Variants in XDH observed in about 807,000 individuals in gnomAD.
The protein encoded by XDH is xanthine dehydrogenase/oxidase.
A neutral mutation model predicts 156.1 loss-of-function variants in XDH; 138 were observed. The observed-to-expected ratio is 0.88, with a 90% CI of 0.77 to 1.02. The LOEUF (loss-of-function observed/expected upper bound fraction) is 1.02. Among genes scored for constraint, XDH ranks in the 50% least tolerant of loss-of-function variants. The pLI is 0.00. For synonymous variants in XDH, 669 were observed against 625.7 expected, an observed-to-expected ratio of 1.07 and a Z score of -1.03; for missense variants, 1,849 against 1,684.9, an observed-to-expected ratio of 1.10 and a Z score of -1.71.
chr2:31,369,007 A>G (rs1281056306), intron 18 of XDH, among the ~76,000 whole-genome samples: 2 of 152,156 alleles, frequency 1.3e-5, no homozygotes, highest in African/African-American at 2.4e-5. Flanking sequence ...CTCCAACACC[A>G]TTGGTCTTCC....
chr2:31,382,430 C>T (rs921716178), intron 11 of XDH, among the ~76,000 whole-genome samples: 2 of 152,152 alleles, frequency 1.3e-5, no homozygotes, highest in South Asian at 2.1e-4. Flanking sequence ...GCTTTTCTTC[C>T]GACACCATAA....
At chr2:31,346,003 T>G (rs970715941) in intron 30 of XDH, among the ~76,000 whole-genome samples, 4 of 152,164 alleles carry the variant, frequency 2.6e-5, no homozygotes, top group Non-Finnish European at 5.9e-5. Flanking sequence ...GATGAGTGGG[T>G]CTGAGAAAAA....
chr2:31,409,655 C>T (rs1017995884), intron 1 of XDH, among the ~76,000 whole-genome samples: 1 of 152,176 alleles, frequency 6.6e-6, no homozygotes, highest in Non-Finnish European at 1.5e-5. Context: ...AGATGCTGAA[C>T]ATCACTAATC....
intron 26 of XDH, 87 bp from the exon 27 acceptor site, chr2:31,349,067 T>C (rs1199346547): frequency 7.5e-7 from 1 of 1,325,492 alleles, no homozygotes; most frequent in East Asian, 2.5e-5. Context: ...AAACAGGACA[T>C]CCTTGGGGTT....
At chr2:31,396,115 G>T (rs1439899464) in intron 6 of XDH, among the ~76,000 whole-genome samples, 2 of 152,200 alleles carry the variant, frequency 1.3e-5, no homozygotes, top group Non-Finnish European at 2.9e-5. Flanking sequence ...CCTCCGATGA[G>T]TAACATGCAT....
Position 31,337,965 on chromosome 2 carries a change from AG to A in XDH, c.3775-149del, listed in dbSNP as rs1685012682. ...CACTGATGGGAGCCACACCAAATACAGCAGGAAGGCACAGTCAGAAATGATC... is the reference window on the plus strand; with the variant it reads ...CACTGATGGGAGCCACACCAAATACACAGGAAGGCACAGTCAGAAATGATC... On this transcript the variant is annotated intron_variant, in intron 34 of 35. Transcript: ENST00000379416. The A allele has an allele frequency of 1.2e-5, 9 of 762,782 alleles. No individual in the cohort carries two copies. In the South Asian group the frequency reaches 1.6e-4, roughly 14 times the overall value. The allele number at this position is 762,782 out of a possible 1,614,324, so 47.3% of individuals were successfully genotyped here. A position where few individuals can be genotyped will look rare whatever the true frequency, so the allele number is the denominator to read the frequency against.
intron 5 of XDH, among the ~76,000 whole-genome samples, chr2:31,397,959 C>A (rs1686954457): frequency 6.6e-6 from 1 of 152,204 alleles, no homozygotes; most frequent in African/African-American, 2.4e-5. Context: ...CAGACTGAGT[C>A]AGGTACCTCT....
chr2:31,368,409 T>C (rs558665881), intron 19 of XDH, 132 bp downstream of exon 19: 127 of 1,201,962 alleles, frequency 1.1e-4, no homozygotes, highest in Admixed American at 1.8e-4. Flanking sequence ...AATCCCAGGG[T>C]TGAAAGGGAT....
chr2:31,387,587 A>G (rs577147114), intron 8 of XDH, among the ~76,000 whole-genome samples: 1 of 152,170 alleles, frequency 6.6e-6, no homozygotes, highest in Non-Finnish European at 1.5e-5. Flanking sequence ...ACAGACATCA[A>G]ATTAATAACT....
In XDH at chr2:31,364,243, A is replaced by T; in HGVS notation, c.2546T>A (p.Val849Asp). 2 of 1,614,152 alleles carry T rather than the reference A, an allele frequency of 1.2e-6. No individual in the cohort carries two copies. The highest frequency in any genetic ancestry group is 1.7e-6 in the Non-Finnish European group (2 of 1,180,004). ...AACTGTCCCAGTCTTCATGAAGCCAACCTGATAAAAGGAGAAAGGAGAGGG... is the reference window on the plus strand; with the variant it reads ...AACTGTCCCAGTCTTCATGAAGCCATCCTGATAAAAGGAGAAAGGAGAGGG... ...GRHPFLARYK[V>D]GFMKTGTVVA... The change falls in exon 24 of 36, where the codon GTT becomes GAT. Residue 849 changes from valine to aspartate, a missense_variant and splice_region_variant. Val to Asp is a radical substitution (Grantham distance 152). Coordinates refer to ENST00000379416, the MANE Select transcript of XDH (RefSeq NM_000379.4).
At chr2:31,345,791 C>A (rs1422688712) in intron 30 of XDH, among the ~76,000 whole-genome samples, 1 of 152,100 alleles carries the variant, frequency 6.6e-6, no homozygotes, top group Non-Finnish European at 1.5e-5. Context: ...ATCTGTTTCC[C>A]AGGCACACTG....
At chr2:31,411,632 T>C (rs1687345236) in intron 1 of XDH, among the ~76,000 whole-genome samples, 1 of 152,210 alleles carries the variant, frequency 6.6e-6, no homozygotes, top group Non-Finnish European at 1.5e-5. Context: ...ATTTATTTAC[T>C]ACAGGATTTC....
rs780937583 is a variant in XDH, at chr2:31,342,255, G to A, written c.3447C>T (p.Asn1149=). Residue 1149 remains asparagine, a synonymous_variant, in exon 32 of 36, where the codon AAC becomes AAT. Coordinates refer to ENST00000379416, the MANE Select transcript of XDH (RefSeq NM_000379.4). ...LGYSFETNSG[N]PFHYFSYGVA... is the part of the protein sequence containing the mutation. ...CCCCATAGCTGAAGTAGTGGAAGGG[G>A]TTCCCTGAGTTAGTCTCAAAGCTGT... 1 of 1,614,144 alleles carries A rather than the reference G, an allele frequency of 6.2e-7. No individual in the cohort carries two copies. The highest frequency in any genetic ancestry group is 8.5e-7 in the Non-Finnish European group (1 of 1,180,024).
intron 3 of XDH, among the ~76,000 whole-genome samples, chr2:31,402,451 G>A (rs1687085658): frequency 6.6e-6 from 1 of 152,172 alleles, no homozygotes; most frequent in Non-Finnish European, 1.5e-5. Flanking sequence ...TGGGAATGCT[G>A]TGCACAGGGC....
intron 33 of XDH, 51 bp downstream of exon 33, chr2:31,341,278 G>C (rs778307600): frequency 1.3e-6 from 2 of 1,518,560 alleles, no homozygotes; most frequent in Non-Finnish European, 1.8e-6. Flanking sequence ...GAGGGGAATG[G>C]GGTGCATCGG....
chr2:31,374,509 T>C (rs563995312), intron 15 of XDH, among the ~76,000 whole-genome samples: 3 of 152,224 alleles, frequency 2.0e-5, no homozygotes, highest in East Asian at 3.9e-4. Context: ...ACAAACAGTA[T>C]GACAGATAGA....
At chr2:31,411,663 C>A (rs1322791337) in intron 1 of XDH, among the ~76,000 whole-genome samples, 1 of 152,150 alleles carries the variant, frequency 6.6e-6, no homozygotes, top group African/African-American at 2.4e-5. Flanking sequence ...AAAAATTCAT[C>A]CACTTATTCC....
rs746177950 is a variant in XDH at position 31,377,007 on chromosome 2, GTAGCAGCAACAT to G, written c.1427+34_1427+45del. The G allele has an allele frequency of 2.5e-6, 4 of 1,607,218 alleles. No individual in the cohort carries two copies. The Admixed American group carries it at 5.0e-5, about 20-fold the overall frequency. ...AGCAGCAGTAACAATGATACTATTA[GTAGCAGCAACAT>G]TAGCAGCAGTTTCATTGTGCTGTTA... On this transcript the variant is annotated intron_variant, in intron 14 of 35. Coordinates refer to ENST00000379416, the MANE Select transcript of XDH (RefSeq NM_000379.4).
At chr2:31,378,712 C>A (rs1686348563) in intron 13 of XDH, among the ~76,000 whole-genome samples, 2 of 152,106 alleles carry the variant, frequency 1.3e-5, no homozygotes, top group Non-Finnish European at 2.9e-5. Flanking sequence ...GCTGACAATA[C>A]CCTTTCTTGA....
Sources: gnomAD v4.1 joint callset for allele counts (sites outside exome capture counted in the v4.1 genomes callset) on GRCh38, gnomAD v4.1.1 for gene constraint, MANE v1.5 for transcripts, NCBI Gene and HGNC (gene_info 2026-07-23, HGNC 2026-07-21) for gene names.